Variants in FARSA observed in about 807,000 individuals in gnomAD.
The protein encoded by FARSA is phenylalanyl-tRNA synthetase subunit alpha, also known as phenylalanine--tRNA ligase alpha subunit.
In FARSA, 37 loss-of-function variants were observed where a neutral mutation model predicts 63.2. The observed-to-expected ratio is 0.59, with a 90% CI of 0.45 to 0.77. FARSA has a LOEUF of 0.77. FARSA is among the 30% of genes least tolerant of loss of function. The probability of loss-of-function intolerance (pLI) is 0.00; values close to 1 mark genes in which losing one functional copy is unlikely to be tolerated. For missense variants in FARSA, 618 were observed against 696.6 expected (o/e 0.89, Z 1.27); for synonymous variants, 312 against 285.1 (o/e 1.09, Z -0.95).
At position 12,933,697 on chromosome 19, in the gene FARSA, G is replaced by A. The variant is rs1971421319; in HGVS notation, c.-1C>T. ...GTTCCGCCACCTGACCATCCGCCATGACTCCTTCCAGTGTGCTCAGCGTGT... is the reference window on the plus strand; with the variant it reads ...GTTCCGCCACCTGACCATCCGCCATAACTCCTTCCAGTGTGCTCAGCGTGT... On this transcript the variant is annotated 5_prime_UTR_variant, in exon 1 of 13. Coordinates refer to ENST00000314606, the MANE Select transcript of FARSA (RefSeq NM_004461.3). 1 of 1,558,468 alleles carries A rather than the reference G, an allele frequency of 6.4e-7. No individual in the cohort carries two copies. The highest frequency in any genetic ancestry group is 8.7e-7 in the Non-Finnish European group (1 of 1,154,374).
At chr19:12,923,513 T>C (rs116999707) in intron 12 of FARSA, among the ~76,000 whole-genome samples, 17 of 152,292 alleles carry the variant, frequency 1.1e-4, no homozygotes, top group Non-Finnish European at 2.4e-4. Flanking sequence ...CACACTCTGT[T>C]GTCTAGACTA....
Position 12,924,079 on chromosome 19 carries a change from C to A in FARSA, c.1388+72G>T. On this transcript the variant is annotated intron_variant, in intron 12 of 12. Coordinates refer to ENST00000314606, the MANE Select transcript of FARSA (RefSeq NM_004461.3). The surrounding 1 kb of genome is among the most constrained non-coding windows in gnomAD (Gnocchi z 6.4). ...GATGAATGAATGGGTGGTGCTGAAA[C>A]CACGCAGGCCCCTATACCTGGAGAG... is the stretch of plus-strand genomic sequence containing the variant. The A allele has an allele frequency of 8.3e-7, 1 of 1,203,330 alleles. No individual in the cohort carries two copies. The highest frequency in any genetic ancestry group is 1.2e-6 in the Non-Finnish European group (1 of 808,330). 74.5% of individuals were successfully genotyped at this position (1,203,330 alleles called of 1,614,324 possible). A position where few individuals can be genotyped will look rare whatever the true frequency, so the allele number is the denominator to read the frequency against.
rs745402939 is a variant in FARSA, at chr19:12,930,322, T to C, written c.404A>G (p.Glu135Gly). 24 of 1,614,102 alleles carry C rather than the reference T, an allele frequency of 1.5e-5. No homozygotes were observed. Among genetic ancestry groups the C allele is most frequent in the Non-Finnish European group, 2.0e-5 (24 of 1,180,006 alleles). Residue 135 changes from glutamate (E) to glycine (G), a missense_variant, in exon 4 of 13, where the codon GAG becomes GGG. Coordinates refer to ENST00000314606, the MANE Select transcript of FARSA (RefSeq NM_004461.3). Reference sequence around the variant, plus strand: ...GACCAGCTGGAGCCGCCGCTGCACCTCATCCTCCATGCTGTCCACCTGCCA... The same window carrying C: ...GACCAGCTGGAGCCGCCGCTGCACCCCATCCTCCATGCTGTCCACCTGCCA... Reference protein sequence around the residue: ...VFRVVDSMEDEVQRRLQLVRG... With the variant: ...VFRVVDSMEDGVQRRLQLVRG...
rs1350893060 is a variant in FARSA, at chr19:12,924,517, T to G, written c.1205A>C (p.Gln402Pro). The G allele has an allele frequency of 6.2e-7, 1 of 1,613,386 alleles. No individual in the cohort carries two copies. The highest frequency in any genetic ancestry group is 8.5e-7 in the Non-Finnish European group (1 of 1,179,998). The change falls in exon 11 of 13, where the codon CAA becomes CCA. Residue 402 changes from glutamine to proline, a missense_variant. Physicochemically the swap from Gln to Pro is moderately conservative, Grantham distance 76 (BLOSUM62 -1). Transcript: ENST00000314606. The surrounding 1 kb of genome is among the most constrained non-coding windows in gnomAD (Gnocchi z 6.4). ...REFFTKLGIT[Q>P]LRFKPAYNPY... ...GTTGTAGGCTGGCTTGAAGCGGAGTTGCGTGATACCTGCAGGAAGTGGGGG... is the reference window on the plus strand; with the variant it reads ...GTTGTAGGCTGGCTTGAAGCGGAGTGGCGTGATACCTGCAGGAAGTGGGGG...
chr19:12,933,423 C>T, intron 1 of FARSA, 127 bp downstream of exon 1: 2 of 1,117,620 alleles, frequency 1.8e-6, no homozygotes, highest in Non-Finnish European at 1.2e-6. Context: ...CCGCACATCC[C>T]GGAGTGGACA....
Position 12,930,617 on chromosome 19 carries a change from G to A in FARSA, c.280C>T (p.Leu94Phe). ...IPPEGLAQSE[L>F]MRLPSGKVGF... ...ATTCACCCCGCAGCTCCTACCATAA[G>A]CTCGCTCTGGGCCAGGCCCTCTGGG... The change falls in exon 2 of 13, where the codon CTT becomes TTT. Residue 94 changes from leucine (L) to phenylalanine (F), a missense_variant. Leu to Phe is a conservative substitution (Grantham distance 22). Transcript: ENST00000314606. 1 of 1,610,178 alleles carries A rather than the reference G, an allele frequency of 6.2e-7. No individual in the cohort carries two copies. Among genetic ancestry groups the A allele is most frequent in the Non-Finnish European group, 8.5e-7 (1 of 1,177,272 alleles).
intron 4 of FARSA, among the ~76,000 whole-genome samples, chr19:12,929,941 A>G (rs1424490667): frequency 1.3e-5 from 2 of 152,178 alleles, no homozygotes; most frequent in East Asian, 1.9e-4. Flanking sequence ...ATGGAACTCA[A>G]GGGGAGAGGA....
chr19:12,926,563 G>A (rs1166267016), intron 7 of FARSA, among the ~76,000 whole-genome samples: 4 of 152,036 alleles, frequency 2.6e-5, no homozygotes, highest in East Asian at 1.9e-4. Flanking sequence ...GTGAGCCACC[G>A]CGCCCGGCCT....
Position 12,925,000 on chromosome 19 carries a change from G to A in FARSA, c.930C>T (p.Tyr310=). 1 of 1,613,980 alleles carries A rather than the reference G, an allele frequency of 6.2e-7. No homozygotes were observed. Among genetic ancestry groups the A allele is most frequent in the Non-Finnish European group, 8.5e-7 (1 of 1,179,856 alleles). Residue 310 remains tyrosine, a synonymous_variant, in exon 9 of 13, where the codon TAC becomes TAT. Transcript: ENST00000314606. The surrounding 1 kb of genome is among the most constrained non-coding windows in gnomAD (Gnocchi z 6.4). ...HSQGGYGSQG[Y]KYNWKLDEAR... ...CCTCGTCCAGCTTCCAGTTATACTT[G>A]TACCTTCAGGAGGGAAGGTGGGAAG...
Position 12,925,157 on chromosome 19 carries a change from G to A in FARSA, c.859C>T (p.Gln287Ter), listed in dbSNP as rs764130921. The A allele has an allele frequency of 5.6e-6, 9 of 1,597,706 alleles. No homozygotes were observed. The South Asian group carries it at 7.9e-5, about 14-fold the overall frequency. The change falls in exon 8 of 13, where the codon CAG becomes TAG. Residue 287 changes from glutamine to a stop codon, truncating the protein, a stop_gained. Coordinates refer to ENST00000314606, the MANE Select transcript of FARSA (RefSeq NM_004461.3). LOFTEE classifies it high-confidence loss of function. ...FFLRDPAEAL[Q>*]LPMDYVQRVK... ...CGCTGGACATAGTCCATTGGGAGCT[G>A]CAGGGCCTCCGCTGGATCTGGGCAG...
At chr19:12,923,691 G>A (rs1186335420) in intron 12 of FARSA, among the ~76,000 whole-genome samples, 3 of 152,308 alleles carry the variant, frequency 2.0e-5, no homozygotes, top group Non-Finnish European at 2.9e-5. Context: ...TGTTGGCCAG[G>A]CTGGCCTCGA....
intron 7 of FARSA, among the ~76,000 whole-genome samples, chr19:12,926,294 C>T (rs1445659499): frequency 9.7e-5 from 13 of 133,814 alleles, no homozygotes; most frequent in South Asian, 4.7e-4. Context: ...TTTTTTTAGA[C>T]GGAGTCTCGC....
intron 1 of FARSA, among the ~76,000 whole-genome samples, chr19:12,931,978 G>A (rs912572358): frequency 1.3e-5 from 2 of 151,914 alleles, no homozygotes; most frequent in African/African-American, 4.8e-5. Flanking sequence ...TTAAGGAGTA[G>A]CTAAATTAAT....
intron 1 of FARSA, 56 bp from the exon 2 acceptor site, chr19:12,930,805 C>G: frequency 6.3e-7 from 1 of 1,594,644 alleles, no homozygotes; most frequent in Non-Finnish European, 8.5e-7. Context: ...GAGCCAGGCA[C>G]CCCCTTTCTG....
At chr19:12,928,276 C>T in intron 7 of FARSA, 66 bp downstream of exon 7, 1 of 1,289,346 alleles carries the variant, frequency 7.8e-7, no homozygotes, top group Non-Finnish European at 1.1e-6. Context: ...GGATGCCCAT[C>T]CTGTAAAGGC....
chr19:12,933,366 A>G, intron 1 of FARSA, 184 bp downstream of exon 1: 1 of 652,002 alleles, frequency 1.5e-6, no homozygotes, highest in Non-Finnish European at 2.5e-6. Flanking sequence ...CGTTTATTGC[A>G]TGAGGAACAT....
chr19:12,932,482 C>T (rs889979448), intron 1 of FARSA, among the ~76,000 whole-genome samples: 1 of 152,184 alleles, frequency 6.6e-6, no homozygotes, highest in African/African-American at 2.4e-5. Context: ...TGCCATCTCT[C>T]CTCTGCATTG....
intron 7 of FARSA, among the ~76,000 whole-genome samples, chr19:12,926,094 G>A (rs1671285365): frequency 6.6e-6 from 1 of 151,390 alleles, no homozygotes; most frequent in Non-Finnish European, 1.5e-5. Flanking sequence ...TCAGCCTCCT[G>A]AATAGATGGG....
intron 7 of FARSA, among the ~76,000 whole-genome samples, chr19:12,927,040 C>T (rs1971334848): frequency 6.6e-6 from 1 of 152,164 alleles, no homozygotes; most frequent in Admixed American, 6.5e-5. Flanking sequence ...GGAAGGCCAC[C>T]CCATTGTGGG....
Sources: allele counts gnomAD v4.1 joint callset (sites outside exome capture counted in the v4.1 genomes callset), GRCh38; gene constraint gnomAD v4.1.1; non-coding constraint Gnocchi (gnomAD v3.1); transcripts MANE v1.5; gene names NCBI Gene and HGNC (gene_info 2026-07-23, HGNC 2026-07-21).